CAST: variants seen among roughly 807,000 people sequenced by gnomAD.
The protein encoded by CAST is MIR583 host.
A neutral mutation model predicts 119.6 loss-of-function variants in CAST; 76 were observed. The ratio of observed to expected loss-of-function variants is 0.64; its 90% CI spans 0.53 to 0.77. The LOEUF (loss-of-function observed/expected upper bound fraction) is 0.77, where lower values mean the gene tolerates loss of function less well. Ranked by LOEUF, CAST falls within the 30% of genes least tolerant of loss-of-function variation. The pLI is 0.00. For missense variants in CAST, 953 were observed against 946.5 expected (o/e 1.01, Z -0.09); for synonymous variants, 319 against 331.6 (o/e 0.96, Z 0.41).
the CAST span, chr5:96,214,732 TGA>T: frequency 1.3e-5 from 2 of 152,170 alleles, no homozygotes; most frequent in African/African-American, 4.8e-5. Context: ...GTATGCACTG[TGA>T]TGAGAACAAA....
At chr5:96,512,934 G>A in the CAST span, among the ~76,000 whole-genome samples, 1 of 152,100 alleles carries the variant, frequency 6.6e-6, no homozygotes, top group African/African-American at 2.4e-5. Context: ...AATACATAAT[G>A]GCTATCATTT....
At chr5:96,754,493 G>T (rs1215684024) in intron 21 of CAST, among the ~76,000 whole-genome samples, 165 bp from the exon 22 acceptor site, 4 of 152,164 alleles carry the variant, frequency 2.6e-5, no homozygotes, top group Non-Finnish European at 5.9e-5. Context: ...TTCTGCTGGT[G>T]CCTGAGTCTG....
At chr5:96,567,114 A>G (rs544359023) in intron 1 of CAST, among the ~76,000 whole-genome samples, 3 of 152,314 alleles carry the variant, frequency 2.0e-5, no homozygotes, top group Non-Finnish European at 4.4e-5. Flanking sequence ...GAGCTCATTC[A>G]TTATTAAAAC....
the CAST span, among the ~76,000 whole-genome samples, chr5:96,353,867 T>TTATC: frequency 1.2e-4 from 18 of 152,292 alleles, no homozygotes; most frequent in East Asian, 2.5e-3. Context: ...AAATCCCCCC[T>TTATC]TATCTATCTA....
At chr5:96,089,616 C>T in the CAST span, among the ~76,000 whole-genome samples, 1 of 152,068 alleles carries the variant, frequency 6.6e-6, no homozygotes, top group Non-Finnish European at 1.5e-5. Flanking sequence ...ACCAATACTG[C>T]CATTTGTGTT....
At position 96,749,541 on chromosome 5, in the gene CAST, GTTTGT is replaced by G. The variant is rs1202205279; in HGVS notation, c.1428+942_1428+946del. Among the ~76,000 whole-genome samples the G allele has an allele frequency of 3.3e-5, 5 of 152,090 alleles. No homozygotes were observed. The East Asian group carries it at 9.6e-4, about 29-fold the overall frequency. On this transcript the variant is annotated intron_variant, in intron 19 of 31. Coordinates refer to ENST00000675179, the MANE Select transcript of CAST (RefSeq NM_001750.7). ...AGGTTTGCTTCTGTTCTTTTTGTTTGTTTGTTTTGTTTTGTTTTTTCTTGAGATAG... is the reference window on the plus strand; with the variant it reads ...AGGTTTGCTTCTGTTCTTTTTGTTTGTTTGTTTTGTTTTTTCTTGAGATAG...
the CAST span, among the ~76,000 whole-genome samples, chr5:96,404,534 T>C: frequency 1.3e-5 from 2 of 152,238 alleles, no homozygotes; most frequent in Non-Finnish European, 2.9e-5. Flanking sequence ...TCTGGCTATA[T>C]AACATTTAAC....
the CAST span, among the ~76,000 whole-genome samples, chr5:96,188,466 C>T: frequency 6.6e-6 from 1 of 151,938 alleles, no homozygotes; most frequent in Non-Finnish European, 1.5e-5. Flanking sequence ...TTCTTTCTCC[C>T]AATGTTTGAT....
chr5:96,161,068 A>C, the CAST span, among the ~76,000 whole-genome samples: 2 of 151,976 alleles, frequency 1.3e-5, no homozygotes. Context: ...TTGTTTTTTC[A>C]CTTTATTGAT....
At chr5:96,167,703 C>G in the CAST span, among the ~76,000 whole-genome samples, 1 of 152,184 alleles carries the variant, frequency 6.6e-6, no homozygotes, top group Non-Finnish European at 1.5e-5. Flanking sequence ...GGAATTCTGT[C>G]TGACAGAAGG....
At chr5:96,577,268 C>G (rs1010545435) in intron 1 of CAST, among the ~76,000 whole-genome samples, 1 of 151,248 alleles carries the variant, frequency 6.6e-6, no homozygotes, top group Non-Finnish European at 1.5e-5. Context: ...ACTTTACTTT[C>G]TGCCTTTTCA....
the CAST span, among the ~76,000 whole-genome samples, chr5:96,401,465 T>C: frequency 2.0e-5 from 3 of 152,208 alleles, no homozygotes; most frequent in Non-Finnish European, 2.9e-5. Flanking sequence ...TACTTTATCT[T>C]TTGGGCAGTG....
At chr5:96,746,488 C>A in intron 17 of CAST, 63 bp downstream of exon 17, 2 of 934,840 alleles carry the variant, frequency 2.1e-6, no homozygotes, top group Non-Finnish European at 3.6e-6. Flanking sequence ...TTTGTTGTAT[C>A]TGTACCCTTG....
the CAST span, among the ~76,000 whole-genome samples, chr5:96,033,817 A>T: frequency 6.6e-6 from 1 of 152,220 alleles, no homozygotes; most frequent in Non-Finnish European, 1.5e-5. Flanking sequence ...ACATGAAATT[A>T]AAAAGTTTCT....
intron 25 of CAST, chr5:96,762,883 G>C (rs1768489176): frequency 1.5e-5 from 6 of 404,690 alleles, no homozygotes; most frequent in Non-Finnish European, 2.3e-5. Flanking sequence ...TTTCATACTA[G>C]CAGTAGAAGA....
chr5:96,106,783 A>G, the CAST span, among the ~76,000 whole-genome samples: 3 of 149,730 alleles, frequency 2.0e-5, no homozygotes, highest in African/African-American at 7.4e-5. Flanking sequence ...ATCCTTGTTG[A>G]CTTTCTGTCT....
the CAST span, among the ~76,000 whole-genome samples, chr5:96,246,187 CTTT>C: frequency 1.3e-5 from 1 of 76,386 alleles, no homozygotes. Flanking sequence ...GTCTGTCTTC[CTTT>C]TTTTTTTTTT....
chr5:96,434,251 T>G, the CAST span: 2 of 152,198 alleles, frequency 1.3e-5, no homozygotes, highest in East Asian at 3.9e-4. Flanking sequence ...CAGTCTCCCA[T>G]GGTGGAGCCT....
chr5:96,620,954 T>C (rs1356724159), intron 1 of CAST, among the ~76,000 whole-genome samples: 1 of 152,258 alleles, frequency 6.6e-6, no homozygotes, highest in Non-Finnish European at 1.5e-5. Context: ...TAAACATTTC[T>C]AGTAAATTAG....
Sources: allele counts gnomAD v4.1 joint callset (sites outside exome capture counted in the v4.1 genomes callset), GRCh38; gene constraint gnomAD v4.1.1; transcripts MANE v1.5; gene names NCBI Gene and HGNC (gene_info 2026-07-23, HGNC 2026-07-21).